USP10: variants seen among roughly 807,000 people sequenced by gnomAD.
USP10 encodes the protein ubiquitin specific peptidase 10.
USP10 carries 22 observed loss-of-function variants against 84.5 expected under a neutral mutation model. The observed-to-expected ratio is 0.26, with a 90% CI of 0.19 to 0.37. USP10 has a LOEUF of 0.37. Among genes scored for constraint, USP10 ranks in the 10% least tolerant of loss-of-function variants. The probability of loss-of-function intolerance (pLI) is 1.00; values close to 1 mark genes in which losing one functional copy is unlikely to be tolerated. For missense variants in USP10, 1,019 were observed against 998.9 expected, an observed-to-expected ratio of 1.02 and a Z score of -0.27; for synonymous variants, 454 against 387.6, an observed-to-expected ratio of 1.17 and a Z score of -2.01.
chr16:84,722,941 G>A (rs1266595600), intron 1 of USP10, among the ~76,000 whole-genome samples: 2 of 152,168 alleles, frequency 1.3e-5, no homozygotes, highest in African/African-American at 4.8e-5. Context: ...ACAGCAAAGT[G>A]AAACTGAGTA....
At chr16:84,771,435 C>T (rs1366491898) in intron 11 of USP10, among the ~76,000 whole-genome samples, 1 of 152,028 alleles carries the variant, frequency 6.6e-6, no homozygotes, top group Non-Finnish European at 1.5e-5. Flanking sequence ...GTCAAGGCTG[C>T]AGTGAGTCCT....
chr16:84,733,153 CA>C (rs1421026182), intron 1 of USP10: 2 of 512,158 alleles, frequency 3.9e-6, no homozygotes, highest in African/African-American at 3.8e-5. Flanking sequence ...AAATCTCCTG[CA>C]AGCAGGACTC....
rs1306158826 is a variant in USP10 at position 84,779,508 on chromosome 16, T to C, written c.*426T>C. ...CACACTTTTCTTCCCTACCCTTTAGTTTTTGATAAATGATAAAAATGAGCC... is the reference window on the plus strand; with the variant it reads ...CACACTTTTCTTCCCTACCCTTTAGCTTTTGATAAATGATAAAAATGAGCC... On this transcript the variant is annotated 3_prime_UTR_variant, in exon 14 of 14. Transcript: ENST00000219473. 6.5e-6 allele frequency: 1 copy of C among 153,428 alleles called. No homozygotes were observed. Among genetic ancestry groups the C allele is most frequent in the Non-Finnish European group, 1.5e-5 (1 of 68,620 alleles). The allele number at this position is 153,428 out of a possible 1,614,324, so 9.5% of individuals were successfully genotyped here.
At position 84,758,598 on chromosome 16, in the gene USP10, G is replaced by A. The variant is rs1328399242; in HGVS notation, c.1193-118G>A. On this transcript the variant is annotated intron_variant, in intron 4 of 13. Coordinates refer to ENST00000219473, the MANE Select transcript of USP10 (RefSeq NM_005153.3). ...GCCTTAACAGTATGCATTTTCTTTG[G>A]CTGTGTGTTTTACTGAAGGGATTTT... 4.2e-6 allele frequency: 3 copies of A among 711,794 alleles called. No individual in the cohort carries two copies. In the African/African-American group the frequency reaches 5.2e-5, roughly 12 times the overall value. The allele number at this position is 711,794 out of a possible 1,614,324, so 44.1% of individuals were successfully genotyped here. A position where few individuals can be genotyped will look rare whatever the true frequency, so the allele number is the denominator to read the frequency against.
intron 1 of USP10, chr16:84,704,946 TAGG>T: frequency 6.6e-7 from 1 of 1,526,146 alleles, no homozygotes. Flanking sequence ...TGAGAATTGT[TAGG>T]AGAATGTGCA....
chr16:84,763,400 C>T (rs1011812324), intron 9 of USP10, among the ~76,000 whole-genome samples: 8 of 152,210 alleles, frequency 5.3e-5, no homozygotes, highest in Admixed American at 5.2e-4. Flanking sequence ...TGATGCTATA[C>T]ACACACTGTG....
chr16:84,753,572 C>T (rs574111479), intron 4 of USP10, among the ~76,000 whole-genome samples: 15 of 152,252 alleles, frequency 9.9e-5, no homozygotes, highest in East Asian at 5.8e-4. Flanking sequence ...AGTGATCTGC[C>T]GCACAATGAA....
chr16:84,760,090 G>A, intron 7 of USP10, 82 bp from the exon 8 acceptor site: 1 of 1,511,622 alleles, frequency 6.6e-7, no homozygotes, highest in Non-Finnish European at 9.1e-7. Context: ...GTGGGAGGTG[G>A]GGGAGTTTTG....
intron 1 of USP10, among the ~76,000 whole-genome samples, chr16:84,720,413 T>C (rs186732736): frequency 7.9e-5 from 12 of 152,204 alleles, no homozygotes; most frequent in Admixed American, 5.9e-4. Flanking sequence ...TGGCAGTAAT[T>C]GTCTTTGTGT....
Position 84,721,156 on chromosome 16 carries a change from T to G in USP10, c.22-12279T>G, listed in dbSNP as rs190751301. 4.0e-3 allele frequency among the ~76,000 whole-genome samples: 606 copies of G among 152,210 alleles called. 7 individuals are homozygous for G. Among genetic ancestry groups the G allele is most frequent in the African/African-American group, 0.014 (583 of 41,518 alleles). On this transcript the variant is annotated intron_variant, in intron 1 of 13. Transcript: ENST00000219473. ...ATCCACCTGCCTGGGCCTCCCAAAG[T>G]GCTGGGATTACAGGTGTGAGCCACC...
chr16:84,741,708 C>T (rs1378057692), intron 3 of USP10, among the ~76,000 whole-genome samples: 2 of 152,238 alleles, frequency 1.3e-5, no homozygotes, highest in South Asian at 2.1e-4. Flanking sequence ...AATCTTGCCA[C>T]CAGTTTGCAC....
intron 10 of USP10, among the ~76,000 whole-genome samples, chr16:84,766,392 T>C (rs1913865046): frequency 6.6e-6 from 1 of 152,262 alleles, no homozygotes; most frequent in Admixed American, 6.5e-5. Context: ...CCCTGACCAC[T>C]GTCTGTGGTT....
intron 2 of USP10, among the ~76,000 whole-genome samples, chr16:84,737,301 G>C (rs901025174): frequency 2.6e-5 from 4 of 152,140 alleles, no homozygotes; most frequent in African/African-American, 9.7e-5. Flanking sequence ...TTTTTCCCTT[G>C]CTCACTTTGC....
At chr16:84,713,612 C>T (rs1223874308) in intron 1 of USP10, among the ~76,000 whole-genome samples, 1 of 152,080 alleles carries the variant, frequency 6.6e-6, no homozygotes, top group Admixed American at 6.5e-5. Context: ...GGTGAGTGCT[C>T]AGTAAATATT....
intron 10 of USP10, 75 bp from the exon 11 acceptor site, chr16:84,768,117 AT>A: frequency 7.0e-7 from 1 of 1,422,418 alleles, no homozygotes; most frequent in South Asian, 1.4e-5. Context: ...TTCAGTGTTT[AT>A]TCCCTTGGTT....
chr16:84,759,619 A>G, intron 6 of USP10, 147 bp downstream of exon 6: 1 of 785,086 alleles, frequency 1.3e-6, no homozygotes, highest in Non-Finnish European at 2.1e-6. Context: ...TGGCGATTTT[A>G]TATGGAAGTT....
rs372457080 is a variant in USP10 at position 84,731,401 on chromosome 16, A to G, written c.22-2034A>G. 1.5e-4 allele frequency among the ~76,000 whole-genome samples: 23 copies of G among 151,870 alleles called. No homozygotes were observed. The East Asian group carries it at 3.1e-3, about 20-fold the overall frequency. ...AAAACAGCATGATTTTAGTTTATTTATTCTTAATATTTGCATTAAACTTCA... is the reference window on the plus strand; with the variant it reads ...AAAACAGCATGATTTTAGTTTATTTGTTCTTAATATTTGCATTAAACTTCA... On this transcript the variant is annotated intron_variant, in intron 1 of 13. Coordinates refer to ENST00000219473, the MANE Select transcript of USP10 (RefSeq NM_005153.3).
intron 4 of USP10, among the ~76,000 whole-genome samples, chr16:84,757,379 AAGG>A (rs1912668113): frequency 7.4e-6 from 1 of 135,442 alleles, no homozygotes; most frequent in Admixed American, 7.9e-5. Context: ...TATTCATAGG[AAGG>A]AGGGAATGAG....
chr16:84,720,256 G>A (rs1413284586), intron 1 of USP10, among the ~76,000 whole-genome samples: 4 of 152,162 alleles, frequency 2.6e-5, no homozygotes, highest in South Asian at 2.1e-4. Flanking sequence ...CCTTCCTGGC[G>A]GGTGGCCTCC....
Sources: gnomAD v4.1 joint callset for allele counts (sites outside exome capture counted in the v4.1 genomes callset) on GRCh38, gnomAD v4.1.1 for gene constraint, MANE v1.5 for transcripts, NCBI Gene and HGNC (gene_info 2026-07-23, HGNC 2026-07-21) for gene names.